Variants in KIAA1549L observed in about 807,000 individuals in gnomAD.
The protein encoded by KIAA1549L is UPF0606 protein KIAA1549L.
In KIAA1549L, 88 loss-of-function variants were observed where a neutral mutation model predicts 160.7. The observed-to-expected ratio is 0.55, with a 90% confidence interval of 0.46 to 0.65. KIAA1549L has a LOEUF of 0.65. Among genes scored for constraint, KIAA1549L ranks in the 30% least tolerant of loss-of-function variants. The pLI is 0.00. For synonymous variants in KIAA1549L, 950 were observed against 976.7 expected (o/e 0.97, Z 0.51); for missense variants, 2,258 against 2,437.5 (o/e 0.93, Z 1.55).
At position 33,606,657 on chromosome 11, in the gene KIAA1549L, A is replaced by G. The variant is rs1850509557; in HGVS notation, c.4896A>G (p.Glu1632=). ...ARKRNVPASD[E]EEGAVLFDNS... ...GTGCTTCAGTGCCAGCGAGTGACGA[A>G]GAGGAGGGAGCGGTTCTATTTGACA... Residue 1632 remains glutamate, a synonymous_variant, in exon 14 of 21, where the codon GAA becomes GAG. Transcript: ENST00000658780. 1 of 1,613,826 alleles carries G rather than the reference A, an allele frequency of 6.2e-7. No individual in the cohort carries two copies. Among genetic ancestry groups the G allele is most frequent in the Non-Finnish European group, 8.5e-7 (1 of 1,179,868 alleles).
intron 1 of KIAA1549L, among the ~76,000 whole-genome samples, chr11:33,384,678 AT>A (rs754821108): frequency 6.6e-6 from 1 of 152,022 alleles, no homozygotes; most frequent in Non-Finnish European, 1.5e-5. Flanking sequence ...TATCTCATTC[AT>A]TTTAGTTTAC....
At chr11:33,435,786 A>ATGTGTGTGTGTGTGTGTGTGTGTG (rs1287703565) in intron 1 of KIAA1549L, among the ~76,000 whole-genome samples, 1 of 18,970 alleles carries the variant, frequency 5.3e-5, no homozygotes, top group Non-Finnish European at 7.8e-5. Flanking sequence ...ATATATATAT[A>ATGTGTGTGTGTGTGTGTGTGTGTG]TATATATATA....
intron 6 of KIAA1549L, among the ~76,000 whole-genome samples, chr11:33,554,188 A>G (rs919612377): frequency 1.3e-5 from 2 of 152,156 alleles, no homozygotes; most frequent in Non-Finnish European, 2.9e-5. Context: ...TTTGTAATTA[A>G]TAACTTTTCC....
intron 1 of KIAA1549L, among the ~76,000 whole-genome samples, chr11:33,440,419 C>T (rs1028199175): frequency 1.1e-4 from 16 of 152,132 alleles, no homozygotes; most frequent in African/African-American, 2.6e-4. Context: ...CGTGAGCCAC[C>T]GCGCCCGGCC....
intron 1 of KIAA1549L, among the ~76,000 whole-genome samples, chr11:33,516,618 T>C (rs1853349440): frequency 2.0e-5 from 3 of 152,242 alleles, no homozygotes; most frequent in African/African-American, 7.2e-5. Flanking sequence ...TTCCTAATTC[T>C]CTGAAGTTAT....
intron 16 of KIAA1549L, among the ~76,000 whole-genome samples, chr11:33,643,169 G>A (rs1851632316): frequency 6.6e-6 from 1 of 152,144 alleles, no homozygotes; most frequent in Non-Finnish European, 1.5e-5. Flanking sequence ...GGAAGCAGAG[G>A]CTGATCTTCA....
intron 14 of KIAA1549L, among the ~76,000 whole-genome samples, chr11:33,609,343 C>T (rs541542883): frequency 3.3e-5 from 5 of 152,346 alleles, no homozygotes; most frequent in Admixed American, 6.5e-5. Context: ...TGAAGGGCAG[C>T]GAAGGCCACT....
intron 1 of KIAA1549L, among the ~76,000 whole-genome samples, chr11:33,486,820 T>C (rs1336330995): frequency 6.6e-6 from 1 of 152,200 alleles, no homozygotes; most frequent in Admixed American, 6.5e-5. Flanking sequence ...TGATCAGGTA[T>C]GTCATAGAAG....
chr11:33,397,862 AT>A (rs1238573218), intron 1 of KIAA1549L, among the ~76,000 whole-genome samples: 1 of 106,346 alleles, frequency 9.4e-6, no homozygotes, highest in Non-Finnish European at 2.4e-5. Context: ...TTTTTTGTTT[AT>A]TTGTTTTTTT....
intron 6 of KIAA1549L, among the ~76,000 whole-genome samples, chr11:33,553,228 G>A (rs1222320177): frequency 6.6e-6 from 1 of 151,918 alleles, no homozygotes; most frequent in East Asian, 1.9e-4. Context: ...TCTAACTCCT[G>A]GGCTCAAGCA....
intron 1 of KIAA1549L, among the ~76,000 whole-genome samples, chr11:33,478,126 C>T (rs1033869633): frequency 6.6e-6 from 1 of 152,236 alleles, no homozygotes; most frequent in Non-Finnish European, 1.5e-5. Context: ...GACAGGGGAA[C>T]CAACCTAGCG....
At chr11:33,467,105 A>T (rs1415350261) in intron 1 of KIAA1549L, among the ~76,000 whole-genome samples, 1 of 152,164 alleles carries the variant, frequency 6.6e-6, no homozygotes, top group East Asian at 1.9e-4. Flanking sequence ...GTACCCTAGA[A>T]CTTAAAGTAT....
chr11:33,498,619 C>T (rs1852873898), intron 1 of KIAA1549L, among the ~76,000 whole-genome samples: 1 of 152,170 alleles, frequency 6.6e-6, no homozygotes, highest in African/African-American at 2.4e-5. Context: ...CAGAAGCTGC[C>T]AGGACTTTTA....
chr11:33,664,767 G>C (rs1225032330), intron 20 of KIAA1549L, among the ~76,000 whole-genome samples: 2 of 152,192 alleles, frequency 1.3e-5, no homozygotes, highest in Non-Finnish European at 2.9e-5. Context: ...GCAGCCTCTA[G>C]AACTGTGAGA....
At chr11:33,646,255 G>A (rs984158232) in intron 17 of KIAA1549L, among the ~76,000 whole-genome samples, 9 of 152,192 alleles carry the variant, frequency 5.9e-5, no homozygotes, top group African/African-American at 1.9e-4. Flanking sequence ...CTTCTTTCCA[G>A]CCATAATGTA....
chr11:33,425,465 C>T (rs976901916), intron 1 of KIAA1549L, among the ~76,000 whole-genome samples: 1 of 152,180 alleles, frequency 6.6e-6, no homozygotes, highest in Non-Finnish European at 1.5e-5. Flanking sequence ...TGTACTGTAG[C>T]TTTCATTGGA....
chr11:33,527,552 C>T (rs1853641146), intron 1 of KIAA1549L, among the ~76,000 whole-genome samples: 1 of 152,020 alleles, frequency 6.6e-6, no homozygotes, highest in Non-Finnish European at 1.5e-5. Flanking sequence ...GCAAGAACCC[C>T]AAAGCAAATG....
intron 1 of KIAA1549L, among the ~76,000 whole-genome samples, chr11:33,392,936 C>T (rs1338209703): frequency 3.3e-5 from 5 of 152,166 alleles, no homozygotes; most frequent in African/African-American, 4.8e-5. Flanking sequence ...TTCAGACCCT[C>T]CCTCCTTTTG....
chr11:33,574,637 A>G, intron 9 of KIAA1549L, 65 bp from the exon 10 acceptor site: 2 of 1,474,868 alleles, frequency 1.4e-6, no homozygotes, highest in Non-Finnish European at 1.9e-6. Flanking sequence ...TCTGCTGATC[A>G]CCTGGGTGAT....
Sources: gnomAD v4.1 joint callset for allele counts (sites outside exome capture counted in the v4.1 genomes callset) on GRCh38, gnomAD v4.1.1 for gene constraint, MANE v1.5 for transcripts, NCBI Gene and HGNC (gene_info 2026-07-23, HGNC 2026-07-21) for gene names.